Variants in AKAP7 observed in about 807,000 individuals in gnomAD.
AKAP7 encodes the protein A kinase (PRKA) anchor protein 7.
In AKAP7, 39 loss-of-function variants were observed where a neutral mutation model predicts 39.5. The observed-to-expected ratio is 0.99, with a 90% CI of 0.76 to 1.29. The LOEUF is 1.29. Ranked by LOEUF, AKAP7 falls within the 50% of genes most tolerant of loss-of-function variation. AKAP7 has a pLI of 0.00. For missense variants in AKAP7, 414 were observed against 407.7 expected (o/e 1.02, Z -0.13); for synonymous variants, 140 against 139.1 (o/e 1.01, Z -0.05).
At chr6:131,210,893 A>G (rs1329538619) in intron 6 of AKAP7, among the ~76,000 whole-genome samples, 1 of 152,012 alleles carries the variant, frequency 6.6e-6, no homozygotes, top group Non-Finnish European at 1.5e-5. Context: ...TCCCTGACCT[A>G]CCCTGACAAT....
chr6:131,172,722 G>A (rs1432691395), intron 5 of AKAP7, among the ~76,000 whole-genome samples: 1 of 152,044 alleles, frequency 6.6e-6, no homozygotes, highest in African/African-American at 2.4e-5. Flanking sequence ...AAATTGTATA[G>A]GTACTTAGAC....
At chr6:131,254,663 A>G (rs545915300) in intron 7 of AKAP7, among the ~76,000 whole-genome samples, 4 of 152,222 alleles carry the variant, frequency 2.6e-5, no homozygotes, top group African/African-American at 9.6e-5. Context: ...GGATGGGGAC[A>G]TCATAAGGAC....
At chr6:131,215,624 C>CA (rs1809101891) in intron 6 of AKAP7, among the ~76,000 whole-genome samples, 1 of 152,164 alleles carries the variant, frequency 6.6e-6, no homozygotes, top group South Asian at 2.1e-4. Context: ...GTGAAGGAGT[C>CA]ATGAAGAACT....
At chr6:131,247,004 T>C (rs1378691041) in intron 7 of AKAP7, among the ~76,000 whole-genome samples, 1 of 152,016 alleles carries the variant, frequency 6.6e-6, no homozygotes, top group Non-Finnish European at 1.5e-5. Flanking sequence ...TTGCTGAGCT[T>C]ACGTTTTTCA....
Position 131,273,410 on chromosome 6 carries a change from C to T in AKAP7, c.851-8120C>T, listed in dbSNP as rs531134745. On this transcript the variant is annotated intron_variant, in intron 7 of 7. Transcript: ENST00000431975. Reference sequence around the variant, plus strand: ...TCTGTTCTTTGCTTCTTTTTCTCCTCTTCTACTGCCTTATTTTGTATTAAG... The same window carrying T: ...TCTGTTCTTTGCTTCTTTTTCTCCTTTTCTACTGCCTTATTTTGTATTAAG... 2.0e-5 allele frequency among the ~76,000 whole-genome samples: 3 copies of T among 152,224 alleles called. No homozygotes were observed. The South Asian group carries it at 6.2e-4, about 32-fold the overall frequency.
At chr6:131,153,116 CAA>C (rs1366731918) in intron 2 of AKAP7, among the ~76,000 whole-genome samples, 1 of 135,260 alleles carries the variant, frequency 7.4e-6, no homozygotes, top group African/African-American at 2.9e-5. Context: ...GACGACAGAG[CAA>C]GACTCCATCT....
At chr6:131,196,740 T>A (rs143903443) in intron 5 of AKAP7, among the ~76,000 whole-genome samples, 19 of 152,288 alleles carry the variant, frequency 1.2e-4, no homozygotes, top group African/African-American at 4.6e-4. Context: ...TGAAAATTTA[T>A]TTACCCTTGA....
intron 1 of AKAP7, among the ~76,000 whole-genome samples, 178 bp from the exon 2 acceptor site, chr6:131,145,105 TAG>T (rs10567187): frequency 0.016 from 2,508 of 152,284 alleles, 84 homozygotes; most frequent in African/African-American, 0.058. Flanking sequence ...TACAAAAATA[TAG>T]AGTGTGGTAT....
chr6:131,208,403 T>C (rs137931315), intron 6 of AKAP7, among the ~76,000 whole-genome samples: 2 of 152,354 alleles, frequency 1.3e-5, no homozygotes, highest in Admixed American at 1.3e-4. Flanking sequence ...TATGGGAAAT[T>C]CTAGAAATTG....
At chr6:131,151,853 A>C (rs1178181695) in intron 2 of AKAP7, among the ~76,000 whole-genome samples, 1 of 152,242 alleles carries the variant, frequency 6.6e-6, no homozygotes, top group Middle Eastern at 3.2e-3. Context: ...AACAAGAAAA[A>C]ATAAAATATC....
chr6:131,170,019 C>A (rs189332542), intron 5 of AKAP7, among the ~76,000 whole-genome samples: 9 of 151,238 alleles, frequency 6.0e-5, no homozygotes, highest in Admixed American at 5.3e-4. Flanking sequence ...CCCTCCTTCT[C>A]TTTGTGTATC....
chr6:131,182,310 C>T (rs767490643), intron 5 of AKAP7, among the ~76,000 whole-genome samples: 3 of 152,098 alleles, frequency 2.0e-5, no homozygotes, highest in African/African-American at 7.2e-5. Context: ...TCCTCACTCC[C>T]TCCTTCCCCT....
upstream of AKAP7, among the ~76,000 whole-genome samples, chr6:131,132,643 G>A (rs1800352818): frequency 1.3e-5 from 2 of 151,778 alleles, no homozygotes; most frequent in African/African-American, 4.8e-5. Context: ...TTATTTTCTA[G>A]AATGTCACAC....
chr6:131,216,428 A>G (rs1244809242), intron 6 of AKAP7, among the ~76,000 whole-genome samples: 3 of 152,186 alleles, frequency 2.0e-5, no homozygotes, highest in Non-Finnish European at 4.4e-5. Flanking sequence ...CCATCAGATG[A>G]TTCTAAAAAT....
At chr6:131,168,185 G>A (rs941255416) in intron 4 of AKAP7, among the ~76,000 whole-genome samples, 1 of 152,148 alleles carries the variant, frequency 6.6e-6, no homozygotes, top group Non-Finnish European at 1.5e-5. Flanking sequence ...GCCAAGGCAG[G>A]AGCATCACTT....
intron 1 of AKAP7, among the ~76,000 whole-genome samples, chr6:131,142,640 A>T (rs375332602): frequency 3.4e-4 from 52 of 152,314 alleles, no homozygotes; most frequent in African/African-American, 8.4e-4. Context: ...GCTGGGGGGA[A>T]ATGTGGGATT....
At chr6:131,269,907 A>C (rs934660869) in intron 7 of AKAP7, among the ~76,000 whole-genome samples, 1 of 152,158 alleles carries the variant, frequency 6.6e-6, no homozygotes, top group African/African-American at 2.4e-5. Context: ...GAGATTACAG[A>C]TATTACAGTT....
At chr6:131,143,653 A>C (rs1801228912) in intron 1 of AKAP7, among the ~76,000 whole-genome samples, 1 of 152,066 alleles carries the variant, frequency 6.6e-6, no homozygotes, top group African/African-American at 2.4e-5. Flanking sequence ...AATAGTAGAG[A>C]TTAATCAAAT....
At chr6:131,138,907 T>C (rs6911014) in intron 1 of AKAP7, among the ~76,000 whole-genome samples, 2,436 of 152,320 alleles carry the variant, frequency 0.016, 82 homozygotes, top group African/African-American at 0.056. Context: ...CACCTCATCT[T>C]TATGTTATTA....
Sources: gnomAD v4.1 joint callset for allele counts (sites outside exome capture counted in the v4.1 genomes callset) on GRCh38, gnomAD v4.1.1 for gene constraint, MANE v1.5 for transcripts, NCBI Gene and HGNC (gene_info 2026-07-23, HGNC 2026-07-21) for gene names.